DGKG: variants seen among roughly 807,000 people sequenced by gnomAD.
DGKG encodes diacylglycerol kinase gamma, also known as DAG kinase gamma.
A neutral mutation model predicts 105.3 loss-of-function variants in DGKG; 78 were observed. The observed-to-expected ratio is 0.74, with a 90% CI of 0.62 to 0.89. The LOEUF (loss-of-function observed/expected upper bound fraction) is 0.89. Ranked by LOEUF, DGKG falls within the 40% of genes least tolerant of loss-of-function variation. The probability of loss-of-function intolerance (pLI) is 0.00; values close to 1 mark genes in which losing one functional copy is unlikely to be tolerated. For missense variants in DGKG, 958 were observed against 1,020.1 expected (o/e 0.94, Z 0.83); for synonymous variants, 346 against 367.1 (o/e 0.94, Z 0.66).
intron 20 of DGKG, among the ~76,000 whole-genome samples, chr3:186,224,365 C>T: frequency 6.6e-6 from 1 of 152,142 alleles, no homozygotes; most frequent in East Asian, 1.9e-4. Flanking sequence ...TAAAGCATTG[C>T]CTTTGCCCAT....
rs34393958 is a variant in DGKG at position 186,257,681 on chromosome 3, CTTTTTTT to C, written c.1510+166_1510+172del. ...AGGGAATCATTCGATTGTCTTATTT[CTTTTTTT>C]TTTTTTTTTCCACCCAAAGCAAATA... is the stretch of plus-strand genomic sequence containing the variant. On this transcript the variant is annotated intron_variant, in intron 17 of 24. Coordinates refer to ENST00000265022, the MANE Select transcript of DGKG (RefSeq NM_001346.3). The C allele has an allele frequency of 2.9e-4, 134 of 462,112 alleles. 3 individuals are homozygous for C. The highest frequency in any genetic ancestry group is 2.4e-3 in the African/African-American group (116 of 48,108). 28.6% of individuals were successfully genotyped at this position (462,112 alleles called of 1,614,324 possible).
intron 20 of DGKG, among the ~76,000 whole-genome samples, chr3:186,240,286 G>A (rs1720621578): frequency 6.6e-6 from 1 of 152,036 alleles, no homozygotes; most frequent in African/African-American, 2.4e-5. Context: ...GCTCCCATAG[G>A]TCACCTCCAG....
intron 19 of DGKG, among the ~76,000 whole-genome samples, chr3:186,250,728 T>C (rs2108561859): frequency 6.6e-6 from 1 of 151,992 alleles, no homozygotes; most frequent in South Asian, 2.1e-4. Context: ...TTTTATATTT[T>C]TAGTAGAGAT....
At chr3:186,276,815 A>G (rs778392519) in intron 9 of DGKG, among the ~76,000 whole-genome samples, 25 of 152,234 alleles carry the variant, frequency 1.6e-4, no homozygotes, top group Non-Finnish European at 1.5e-4. Flanking sequence ...AGCTACGGTA[A>G]GGTGATGAGG....
rs148285460 is a variant in DGKG, at chr3:186,253,113, C to T, written c.1580G>A (p.Arg527His). The change falls in exon 18 of 25, where the codon CGT becomes CAT. Residue 527 changes from arginine to histidine, a missense_variant. Physicochemically the swap from Arg to His is conservative, Grantham distance 29. Coordinates refer to ENST00000265022, the MANE Select transcript of DGKG (RefSeq NM_001346.3). Reference sequence around the variant, plus strand: ...CTCACCTCCTCCCCAGCGGAGACAACGGGCAAGGTCATTTCCTGTTCCAAG... The same window carrying T: ...CTCACCTCCTCCCCAGCGGAGACAATGGGCAAGGTCATTTCCTGTTCCAAG... ...LPLGTGNDLA[R>H]CLRWGGGYEG... 45 of 1,614,094 alleles carry T rather than the reference C, an allele frequency of 2.8e-5. No homozygotes were observed. The highest frequency in any genetic ancestry group is 5.0e-5 in the Admixed American group (3 of 60,010).
rs111269397 is a variant in DGKG at position 186,251,645 on chromosome 3, TG to T, written c.1761+113del. ...AGAATGCTTGGACCCAACTCAGGGC[TG>T]GGGGGGCAGGTAAGACAGGTAGACA... is the stretch of plus-strand genomic sequence containing the variant. On this transcript the variant is annotated intron_variant, in intron 19 of 24. Transcript: ENST00000265022. 4,768 of 1,242,610 alleles carry T rather than the reference TG, an allele frequency of 3.8e-3. 130 individuals are homozygous for T. The African/African-American group carries it at 0.051, about 13-fold the overall frequency. 77.0% of individuals were successfully genotyped at this position (1,242,610 alleles called of 1,614,324 possible).
At chr3:186,335,653 A>T (rs1027860109) in intron 1 of DGKG, among the ~76,000 whole-genome samples, 1 of 152,208 alleles carries the variant, frequency 6.6e-6, no homozygotes, top group African/African-American at 2.4e-5. Flanking sequence ...AAACTGTCCA[A>T]TGCTGCTGGT....
At chr3:186,302,507 CATATGTGTATATATATAT>C (rs1560143667) in intron 3 of DGKG, among the ~76,000 whole-genome samples, 2,130 of 11,438 alleles carry the variant, frequency 0.19, 122 homozygotes, top group African/African-American at 0.34. Flanking sequence ...TATATATATA[CATATGTGTATATATATAT>C]ATATATACAT....
intron 22 of DGKG, among the ~76,000 whole-genome samples, chr3:186,176,694 A>G (rs1010901736): frequency 1.3e-5 from 2 of 152,194 alleles, no homozygotes; most frequent in Admixed American, 6.5e-5. Context: ...TAATCTATAA[A>G]ATATTCCTCG....
rs1716232595 is a variant in DGKG at position 186,160,314 on chromosome 3, A to G, written c.2277+1289T>C. 3.0e-6 allele frequency: 3 copies of G among 985,250 alleles called. No individual in the cohort carries two copies. The African/African-American group carries it at 5.2e-5, about 17-fold the overall frequency. The allele number at this position is 985,250 out of a possible 1,614,324, so 61.0% of individuals were successfully genotyped here. On this transcript the variant is annotated intron_variant, in intron 24 of 24. Transcript: ENST00000265022. ...CAGCTAGGACTGAACCAGGTAGGAG[A>G]GGGTTTGATTTCTTCCACCTTTTTT...
At chr3:186,353,595 A>G (rs1726746681) in intron 1 of DGKG, among the ~76,000 whole-genome samples, 1 of 143,780 alleles carries the variant, frequency 7.0e-6, no homozygotes, top group Admixed American at 6.9e-5. Context: ...ATATATACAC[A>G]CACACACATA....
At chr3:186,305,254 AG>A in intron 3 of DGKG, among the ~76,000 whole-genome samples, 1 of 152,358 alleles carries the variant, frequency 6.6e-6, no homozygotes, top group Non-Finnish European at 1.5e-5. Flanking sequence ...TAGATGAAGA[AG>A]GTGATGATCA....
chr3:186,295,808 T>A (rs568202032), intron 5 of DGKG, among the ~76,000 whole-genome samples: 1 of 152,062 alleles, frequency 6.6e-6, no homozygotes, highest in Admixed American at 6.6e-5. Flanking sequence ...TGGCAGACCA[T>A]ACTGAGTTAA....
rs972089699 is a variant in DGKG at position 186,334,211 on chromosome 3, G to A, written c.-248-13504C>T. ...TCTCAAGGTAAGTAATATTACACCT[G>A]GGACCAGGTTCCTTGCAGGAAACTG... is the stretch of plus-strand genomic sequence containing the variant. On this transcript the variant is annotated intron_variant, in intron 1 of 24. Coordinates refer to ENST00000265022, the MANE Select transcript of DGKG (RefSeq NM_001346.3). Among the ~76,000 whole-genome samples, 7 of 152,280 alleles carry A rather than the reference G, an allele frequency of 4.6e-5. No homozygotes were observed. The East Asian group carries it at 1.3e-3, about 29-fold the overall frequency.
Position 186,284,319 on chromosome 3 carries a change from C to T in DGKG, c.594+341G>A, listed in dbSNP as rs921823012. Reference sequence around the variant, plus strand: ...TCCCTTGGTCTTGTTGCCTCCCCCGCCCTCTCCTCTTGGCCTCAGGACTCC... The same window carrying T: ...TCCCTTGGTCTTGTTGCCTCCCCCGTCCTCTCCTCTTGGCCTCAGGACTCC... On this transcript the variant is annotated intron_variant, in intron 7 of 24. Transcript: ENST00000265022. The surrounding 1 kb of genome is among the most constrained non-coding windows in gnomAD (Gnocchi z 4.0). 2.0e-5 allele frequency among the ~76,000 whole-genome samples: 3 copies of T among 152,142 alleles called. No individual in the cohort carries two copies. Among genetic ancestry groups the T allele is most frequent in the Non-Finnish European group, 4.4e-5 (3 of 68,028 alleles).
chr3:186,277,566 A>C (rs1367524388), intron 9 of DGKG, among the ~76,000 whole-genome samples: 2 of 152,244 alleles, frequency 1.3e-5, no homozygotes, highest in East Asian at 3.8e-4. Flanking sequence ...GTGGAGCCCA[A>C]AGGATTGTCA....
At chr3:186,299,638 T>C (rs1186414818) in intron 3 of DGKG, among the ~76,000 whole-genome samples, 1 of 152,132 alleles carries the variant, frequency 6.6e-6, no homozygotes, top group Admixed American at 6.6e-5. Flanking sequence ...TTCACACTCT[T>C]TCTGTCTCTC....
At chr3:186,241,598 CTAAA>C (rs1230322632) in intron 20 of DGKG, among the ~76,000 whole-genome samples, 1 of 151,862 alleles carries the variant, frequency 6.6e-6, no homozygotes, top group African/African-American at 2.4e-5. Context: ...ATTCTGTGGG[CTAAA>C]TAAAAGTCAA....
intron 3 of DGKG, among the ~76,000 whole-genome samples, chr3:186,303,960 C>A (rs1578805360): frequency 1.3e-5 from 2 of 152,348 alleles, no homozygotes; most frequent in East Asian, 3.9e-4. Context: ...CATGACATTA[C>A]ACCTACTAGA....
Sources: gnomAD v4.1 joint callset for allele counts (sites outside exome capture counted in the v4.1 genomes callset) on GRCh38, gnomAD v4.1.1 for gene constraint, Gnocchi (gnomAD v3.1) non-coding constraint, MANE v1.5 for transcripts, NCBI Gene and HGNC (gene_info 2026-07-23, HGNC 2026-07-21) for gene names.